The following SFT2D1 variants were observed in gnomAD, a reference collection of about 807,000 sequenced individuals.
SFT2D1 encodes the protein vesicle transport protein SFT2A.
SFT2D1 carries 24 observed loss-of-function variants against 28.1 expected under a neutral mutation model. That is an observed-to-expected ratio of 0.85 (90% CI 0.62 to 1.20). SFT2D1 has a LOEUF of 1.20. Ranked by LOEUF, SFT2D1 falls within the 50% of genes most tolerant of loss-of-function variation. The probability of loss-of-function intolerance (pLI) is 0.00; values close to 1 mark genes in which losing one functional copy is unlikely to be tolerated. For synonymous variants in SFT2D1, 82 were observed against 73.7 expected (o/e 1.11, Z -0.58); for missense variants, 181 against 190.9 (o/e 0.95, Z 0.31).
intron 1 of SFT2D1, among the ~76,000 whole-genome samples, chr6:166,331,960 A>G (rs1226279830): frequency 2.0e-5 from 3 of 152,218 alleles, no homozygotes; most frequent in African/African-American, 7.2e-5. Flanking sequence ...TTCAATAGCC[A>G]GTTTTTCTCT....
At chr6:166,335,543 A>G (rs1459250160) in intron 1 of SFT2D1, 3 of 441,136 alleles carry the variant, frequency 6.8e-6, no homozygotes, top group South Asian at 1.8e-5. Flanking sequence ...TGGCACTGGC[A>G]GAAGATTTTA....
At chr6:166,324,694 G>C in intron 5 of SFT2D1, 99 bp from the exon 6 acceptor site, 1 of 1,061,692 alleles carries the variant, frequency 9.4e-7, no homozygotes, top group East Asian at 2.6e-5. Context: ...GTAGATGATG[G>C]CTTCATTTAT....
Position 166,325,923 on chromosome 6 carries a change from T to TCACTGACTACCTCTATGCTGTA in SFT2D1, c.351+187_351+208dup, listed in dbSNP as rs1348640934. The TCACTGACTACCTCTATGCTGTA allele has an allele frequency of 5.8e-5, 35 of 604,972 alleles. No individual in the cohort carries two copies. In the African/African-American group the frequency reaches 6.0e-4, roughly 10 times the overall value. The allele number at this position is 604,972 out of a possible 1,614,324, so 37.5% of individuals were successfully genotyped here. Reference sequence around the variant, plus strand: ...GGTGAGCATGTGTGCACATGTGTGTTCACTGACTACCTCTATGCTGTAGAC... The same window carrying TCACTGACTACCTCTATGCTGTA: ...GGTGAGCATGTGTGCACATGTGTGTTCACTGACTACCTCTATGCTGTACACTGACTACCTCTATGCTGTAGAC... On this transcript the variant is annotated intron_variant, in intron 5 of 7. Coordinates refer to ENST00000361731, the MANE Select transcript of SFT2D1 (RefSeq NM_145169.3).
At chr6:166,324,867 C>A (rs1778416005) in intron 5 of SFT2D1, among the ~76,000 whole-genome samples, 1 of 152,100 alleles carries the variant, frequency 6.6e-6, no homozygotes, top group Admixed American at 6.6e-5. Flanking sequence ...AGACTGAAAA[C>A]ATTAGACTTT....
intron 2 of SFT2D1, among the ~76,000 whole-genome samples, 163 bp downstream of exon 2, chr6:166,329,998 C>T (rs902707095): frequency 1.3e-5 from 2 of 152,154 alleles, no homozygotes; most frequent in African/African-American, 2.4e-5. Flanking sequence ...CTAATTTCTA[C>T]GTATTTTCAT....
intron 1 of SFT2D1, among the ~76,000 whole-genome samples, chr6:166,339,610 G>A (rs566976019): frequency 1.8e-4 from 28 of 152,006 alleles, no homozygotes; most frequent in Non-Finnish European, 3.4e-4. Context: ...GACTGCTCTC[G>A]TGGAAGTGAC....
At chr6:166,336,537 TG>T (rs1019909208) in intron 1 of SFT2D1, among the ~76,000 whole-genome samples, 9 of 152,202 alleles carry the variant, frequency 5.9e-5, no homozygotes, top group African/African-American at 2.2e-4. Context: ...TTCTAGAGAC[TG>T]GAAGTCCATG....
intron 1 of SFT2D1, among the ~76,000 whole-genome samples, chr6:166,331,593 T>A (rs1432444334): frequency 6.6e-6 from 1 of 152,228 alleles, no homozygotes. Flanking sequence ...TATAAAAACA[T>A]CTACATTTCA....
At chr6:166,322,683 C>G (rs1778378116) in intron 7 of SFT2D1, among the ~76,000 whole-genome samples, 174 bp downstream of exon 7, 1 of 109,614 alleles carries the variant, frequency 9.1e-6, no homozygotes, top group African/African-American at 3.9e-5. Flanking sequence ...CAGTGAGACT[C>G]TGTCTCAAAA....
intron 5 of SFT2D1, chr6:166,325,924 CACTG>C (rs1295762481): frequency 1.3e-5 from 8 of 596,550 alleles, no homozygotes; most frequent in African/African-American, 1.1e-4. Context: ...CATGTGTGTT[CACTG>C]ACTACCTCTA....
intron 5 of SFT2D1, chr6:166,325,743 G>A (rs931357737): frequency 6.4e-5 from 12 of 188,220 alleles, no homozygotes; most frequent in Non-Finnish European, 1.1e-4. Flanking sequence ...GCACACATGT[G>A]TGTTTATTAA....
intron 2 of SFT2D1, 127 bp from the exon 3 acceptor site, chr6:166,329,716 A>T: frequency 2.7e-6 from 2 of 744,610 alleles, no homozygotes; most frequent in Non-Finnish European, 4.2e-6. Context: ...CTGCTTGTAG[A>T]CAGTCTAGTC....
chr6:166,330,289 A>T, intron 1 of SFT2D1, 42 bp from the exon 2 acceptor site: 2 of 1,288,316 alleles, frequency 1.6e-6, no homozygotes, highest in Non-Finnish European at 2.2e-6. Flanking sequence ...GTCTTAATTC[A>T]CTACCAATCT....
chr6:166,338,879 C>T (rs552873318), intron 1 of SFT2D1, among the ~76,000 whole-genome samples: 1 of 152,164 alleles, frequency 6.6e-6, no homozygotes, highest in South Asian at 2.1e-4. Flanking sequence ...ACTCTGGCTA[C>T]CGTGCCTCTC....
In SFT2D1 at chr6:166,342,508, G is replaced by A; in HGVS notation, c.-27C>T. On this transcript the variant is annotated 5_prime_UTR_variant, in exon 1 of 8. Transcript: ENST00000361731. ...GCCCTGTTACAGGGCCGTAGCGGCC[G>A]CCACTCTGTTGCCTGCCCCTGACGC... 1.3e-6 allele frequency: 2 copies of A among 1,538,732 alleles called. No individual in the cohort carries two copies. The highest frequency in any genetic ancestry group is 1.8e-6 in the Non-Finnish European group (2 of 1,138,240).
At chr6:166,335,212 GACA>G in intron 1 of SFT2D1, 1 of 611,490 alleles carries the variant, frequency 1.6e-6, no homozygotes, top group Non-Finnish European at 3.1e-6. Flanking sequence ...TGGTGGGAAT[GACA>G]ACTTCGGTCA....
intron 1 of SFT2D1, chr6:166,335,354 A>G (rs1396307703): frequency 6.9e-6 from 4 of 576,268 alleles, no homozygotes; most frequent in Admixed American, 5.6e-5. Flanking sequence ...AGGTGGCAGA[A>G]GCTCCAATGA....
At chr6:166,329,429 T>C (rs1012462098) in intron 3 of SFT2D1, 78 bp downstream of exon 3, 2 of 1,208,560 alleles carry the variant, frequency 1.7e-6, no homozygotes, top group Non-Finnish European at 1.2e-6. Context: ...TACATAAACA[T>C]CCTACTGGGA....
intron 7 of SFT2D1, among the ~76,000 whole-genome samples, chr6:166,321,666 C>T (rs975777825): frequency 6.6e-6 from 1 of 152,158 alleles, no homozygotes; most frequent in African/African-American, 2.4e-5. Flanking sequence ...AAATATATAA[C>T]ATATCTTTGA....
Sources: allele counts gnomAD v4.1 joint callset (sites outside exome capture counted in the v4.1 genomes callset), GRCh38; gene constraint gnomAD v4.1.1; transcripts MANE v1.5; gene names NCBI Gene and HGNC (gene_info 2026-07-23, HGNC 2026-07-21).